Variants in ALK observed in about 807,000 individuals in gnomAD.
The protein encoded by ALK is ALK tyrosine kinase receptor.
ALK carries 74 observed loss-of-function variants against 163.1 expected under a neutral mutation model. That is an observed-to-expected ratio of 0.45 (90% CI 0.38 to 0.55). The LOEUF is 0.55. ALK is among the 20% of genes least tolerant of loss of function. ALK has a pLI of 0.00. For missense variants in ALK, 2,063 were observed against 2,105.3 expected (o/e 0.98, Z 0.39); for synonymous variants, 960 against 843.2 (o/e 1.14, Z -2.40).
At chr2:29,745,997 C>A (rs1680198933) in intron 1 of ALK, among the ~76,000 whole-genome samples, 1 of 152,200 alleles carries the variant, frequency 6.6e-6, no homozygotes, top group Non-Finnish European at 1.5e-5. Context: ...TAATGAGGCA[C>A]TTAAGTATAA....
chr2:29,602,668 A>G (rs1457067589), intron 3 of ALK, among the ~76,000 whole-genome samples: 2 of 152,230 alleles, frequency 1.3e-5, no homozygotes, highest in African/African-American at 4.8e-5. Flanking sequence ...GGGAGGTACA[A>G]CAATGACAAA....
intron 26 of ALK, among the ~76,000 whole-genome samples, chr2:29,201,514 G>T (rs960584641): frequency 6.6e-6 from 1 of 152,206 alleles, no homozygotes; most frequent in Non-Finnish European, 1.5e-5. Context: ...GAGGCCGGGC[G>T]CTGTGGCTCA....
At chr2:29,436,702 A>G (rs1242174029) in intron 4 of ALK, among the ~76,000 whole-genome samples, 1 of 152,154 alleles carries the variant, frequency 6.6e-6, no homozygotes, top group Non-Finnish European at 1.5e-5. Context: ...TAATGGCCCA[A>G]TCGTATCTGT....
intron 3 of ALK, among the ~76,000 whole-genome samples, chr2:29,620,799 C>T (rs1299241898): frequency 1.3e-5 from 2 of 152,118 alleles, no homozygotes; most frequent in South Asian, 2.1e-4. Flanking sequence ...ATAATAACCC[C>T]GCGCCTCGGG....
intron 3 of ALK, among the ~76,000 whole-genome samples, chr2:29,539,565 T>G (rs1176827612): frequency 2.0e-5 from 3 of 152,110 alleles, no homozygotes; most frequent in Admixed American, 6.5e-5. Context: ...TGCTTCCTCT[T>G]TAAGGTAATT....
chr2:29,488,862 C>T (rs936317539), intron 4 of ALK, among the ~76,000 whole-genome samples: 20 of 152,158 alleles, frequency 1.3e-4, no homozygotes, highest in East Asian at 3.9e-4. Context: ...AAGTTTGTTA[C>T]TTTGGTTTCG....
intron 11 of ALK, among the ~76,000 whole-genome samples, chr2:29,261,557 G>GT (rs1211006628): frequency 1.3e-5 from 2 of 152,170 alleles, no homozygotes; most frequent in African/African-American, 2.4e-5. Context: ...CTGCAGGTTT[G>GT]TTTTTTCAGA....
chr2:29,247,156 G>A (rs778732200), intron 12 of ALK, among the ~76,000 whole-genome samples: 17 of 149,580 alleles, frequency 1.1e-4, no homozygotes, highest in Non-Finnish European at 2.2e-4. Context: ...CCCGGCCTCC[G>A]CGGCAGCGCC....
chr2:29,304,930 A>G (rs190239007), intron 8 of ALK, among the ~76,000 whole-genome samples: 8 of 152,334 alleles, frequency 5.3e-5, no homozygotes, highest in Admixed American at 1.3e-4. Flanking sequence ...GCAAATTAGA[A>G]TCAGCTTTCC....
chr2:29,386,964 C>T (rs1323120843), intron 4 of ALK, among the ~76,000 whole-genome samples: 1 of 152,234 alleles, frequency 6.6e-6, no homozygotes, highest in African/African-American at 2.4e-5. Context: ...TAGGGTCCTG[C>T]TTTTGTCCCT....
At chr2:29,571,819 T>A (rs1476652780) in intron 3 of ALK, among the ~76,000 whole-genome samples, 2 of 152,008 alleles carry the variant, frequency 1.3e-5, no homozygotes, top group Non-Finnish European at 2.9e-5. Flanking sequence ...TTTCACCATA[T>A]TGGCCAGGCT....
rs539728943 is a variant in ALK, at chr2:29,735,622, C to A, written c.668-17925G>T. On this transcript the variant is annotated intron_variant, in intron 1 of 28. Transcript: ENST00000389048. ...CATCTTGAATTGTAGTTCCCATAAT[C>A]TCCACACGTCATGGGAGGGGCCCAG... 9.2e-5 allele frequency among the ~76,000 whole-genome samples: 14 copies of A among 152,164 alleles called. 1 individual carries two copies. Among genetic ancestry groups the A allele is most frequent in the African/African-American group, 3.4e-4 (14 of 41,436 alleles).
intron 1 of ALK, among the ~76,000 whole-genome samples, chr2:29,797,155 T>C (rs1013821568): frequency 2.0e-5 from 3 of 152,146 alleles, no homozygotes; most frequent in African/African-American, 7.2e-5. Flanking sequence ...ATTGCCATCA[T>C]TTTAAAAAAA....
chr2:29,701,251 C>T (rs1420953652), intron 2 of ALK, among the ~76,000 whole-genome samples: 1 of 152,186 alleles, frequency 6.6e-6, no homozygotes, highest in African/African-American at 2.4e-5. Context: ...GCCTGTTAAC[C>T]CAGAGACTAG....
chr2:29,206,225 GCCCCTCCCTTCTACCTCCTCT>G (rs1669305310), intron 26 of ALK, among the ~76,000 whole-genome samples: 1 of 142,458 alleles, frequency 7.0e-6, no homozygotes, highest in African/African-American at 2.6e-5. Flanking sequence ...TCTCTTCTCT[GCCCCTCCCTTCTACCTCCTCT>G]CCCCTCCCTT....
At chr2:29,857,011 AT>A (rs1298316674) in intron 1 of ALK, among the ~76,000 whole-genome samples, 6 of 152,096 alleles carry the variant, frequency 3.9e-5, no homozygotes, top group African/African-American at 7.2e-5. Flanking sequence ...CGGGGGTGGG[AT>A]TTAGCAAATA....
At chr2:29,415,652 T>C (rs575280484) in intron 4 of ALK, among the ~76,000 whole-genome samples, 94 of 152,342 alleles carry the variant, frequency 6.2e-4, no homozygotes, top group African/African-American at 2.1e-3. Context: ...GATACCCAGA[T>C]GGCTGGTATA....
intron 3 of ALK, among the ~76,000 whole-genome samples, chr2:29,608,848 TA>T: frequency 6.6e-6 from 1 of 152,326 alleles, no homozygotes; most frequent in East Asian, 1.9e-4. Context: ...GTATGACTGT[TA>T]AGAGCTGGGT....
intron 1 of ALK, among the ~76,000 whole-genome samples, chr2:29,805,300 ATTAAT>A (rs1318222866): frequency 6.6e-6 from 1 of 152,214 alleles, no homozygotes; most frequent in African/African-American, 2.4e-5. Flanking sequence ...TTTAAAAAAT[ATTAAT>A]TTAATTTAAA....
Sources: allele counts gnomAD v4.1 joint callset (sites outside exome capture counted in the v4.1 genomes callset), GRCh38; gene constraint gnomAD v4.1.1; transcripts MANE v1.5; gene names NCBI Gene and HGNC (gene_info 2026-07-23, HGNC 2026-07-21).